KDM1B: variants seen among roughly 807,000 people sequenced by gnomAD.
The protein encoded by KDM1B is lysine-specific histone demethylase 2.
Under a neutral mutation model 107.4 loss-of-function variants are expected in KDM1B, and 63 were observed. The observed-to-expected ratio is 0.59, with a 90% CI of 0.48 to 0.72. KDM1B has a LOEUF of 0.72. Among genes scored for constraint, KDM1B ranks in the 30% least tolerant of loss-of-function variants. The pLI is 0.00. For synonymous variants in KDM1B, 363 were observed against 363.9 expected (o/e 1.00, Z 0.03); for missense variants, 749 against 1,020.8 (o/e 0.73, Z 3.63).
chr6:18,222,112 C>G lies in KDM1B; in HGVS notation c.*120C>G, dbSNP rs1327019972. On this transcript the variant is annotated 3_prime_UTR_variant, in exon 22 of 22. Coordinates refer to ENST00000650836, the MANE Select transcript of KDM1B (RefSeq NM_001364614.2). ...TCTACATAGTAAAACTGAAATGTTT[C>G]TAAGGCGATATGATAATGCAAACCT... 6 of 897,958 alleles carry G rather than the reference C, an allele frequency of 6.7e-6. No individual in the cohort carries two copies. Among genetic ancestry groups the G allele is most frequent in the Non-Finnish European group, 9.3e-6 (5 of 538,852 alleles). The allele number at this position is 897,958 out of a possible 1,614,324, so 55.6% of individuals were successfully genotyped here.
chr6:18,212,875 T>C lies in KDM1B; in HGVS notation c.1983+271T>C, dbSNP rs138575159. Reference sequence around the variant, plus strand: ...TGGTATAAGCAATTCTTTTATCCCCTTTTTTCCCCCCTTCTGCTTTCTTTC... The same window carrying C: ...TGGTATAAGCAATTCTTTTATCCCCCTTTTTCCCCCCTTCTGCTTTCTTTC... On this transcript the variant is annotated intron_variant, in intron 18 of 21. Transcript: ENST00000650836. This position sits in a 1 kb window ranked among gnomAD's most constrained non-coding sequence, Gnocchi z 5.2. 4.6e-4 allele frequency among the ~76,000 whole-genome samples: 70 copies of C among 152,246 alleles called. No homozygotes were observed. The highest frequency in any genetic ancestry group is 1.5e-3 in the African/African-American group (62 of 41,552).
chr6:18,157,357 TTTTCA>T (rs1363609542), intron 2 of KDM1B, among the ~76,000 whole-genome samples: 3 of 152,208 alleles, frequency 2.0e-5, no homozygotes, highest in Admixed American at 6.5e-5. Flanking sequence ...ATAGCTCATG[TTTTCA>T]TTTCCTTGTT....
chr6:18,187,675 A>C (rs1045060102), intron 8 of KDM1B, 117 bp from the exon 9 acceptor site: 32 of 698,484 alleles, frequency 4.6e-5, no homozygotes, highest in African/African-American at 3.5e-4. Flanking sequence ...CTGAGCAAGA[A>C]AAAGCATAGC....
At chr6:18,193,459 A>T (rs1179867274) in intron 10 of KDM1B, among the ~76,000 whole-genome samples, 2 of 150,002 alleles carry the variant, frequency 1.3e-5, no homozygotes, top group East Asian at 4.0e-4. Flanking sequence ...GGCACGTGCC[A>T]CCATGCCCAG....
At chr6:18,198,638 A>AG (rs1787817439) in intron 12 of KDM1B, among the ~76,000 whole-genome samples, 1 of 38,672 alleles carries the variant, frequency 2.6e-5, no homozygotes, top group Non-Finnish European at 7.0e-5. Flanking sequence ...ACTCCATCTC[A>AG]AAAAAAAAAA....
chr6:18,199,029 A>G (rs372941858), intron 12 of KDM1B, among the ~76,000 whole-genome samples: 2,351 of 109,862 alleles, frequency 0.021, 60 homozygotes, highest in African/African-American at 0.1. Flanking sequence ...AAAAAAAAAA[A>G]AAAAGAAAAA....
rs1383684744 is a variant in KDM1B at position 18,213,833 on chromosome 6, T to A, written c.2109+52T>A. On this transcript the variant is annotated intron_variant, in intron 19 of 21. Transcript: ENST00000650836. The surrounding 1 kb of genome is among the most constrained non-coding windows in gnomAD (Gnocchi z 5.9). ...GAATTTCCGTCTTAAAGTTTAGAAT[T>A]TGATGTGATAATTACTCACCTATCA... 5 of 1,601,302 alleles carry A rather than the reference T, an allele frequency of 3.1e-6. No individual in the cohort carries two copies. The highest frequency in any genetic ancestry group is 4.3e-6 in the Non-Finnish European group (5 of 1,169,014).
intron 17 of KDM1B, among the ~76,000 whole-genome samples, chr6:18,210,368 T>TTTTTG (rs1236040272): frequency 1.5e-4 from 14 of 95,380 alleles, no homozygotes; most frequent in South Asian, 3.8e-4. Flanking sequence ...TTTTTTTTTT[T>TTTTTG]TTTTGTTTTA....
intron 5 of KDM1B, among the ~76,000 whole-genome samples, chr6:18,165,919 T>G (rs1032208509): frequency 6.6e-6 from 1 of 152,084 alleles, no homozygotes; most frequent in Non-Finnish European, 1.5e-5. Context: ...AGCTTGGGAG[T>G]TCGAGGTTGC....
rs1441233258 is a variant in KDM1B, at chr6:18,184,275, T to TC, written c.535-1497_535-1496insC. Among the ~76,000 whole-genome samples, 127 of 137,292 alleles carry TC rather than the reference T, an allele frequency of 9.3e-4. 3 individuals are homozygous for TC. Among genetic ancestry groups the TC allele is most frequent in the Non-Finnish European group, 1.6e-3 (102 of 65,112 alleles). The allele number at this position is 137,292 out of a possible 152,430, so 90.1% of individuals were successfully genotyped here. The stretch of plus-strand genomic sequence containing the variant: ...CTACACTATGATTGTTCTAGCTTCT[T>TC]TTTTTTTTTTTTTTTTTGAGACGGA... On this transcript the variant is annotated intron_variant, in intron 7 of 21. Transcript: ENST00000650836.
intron 6 of KDM1B, among the ~76,000 whole-genome samples, chr6:18,166,683 C>CA (rs1001603666): frequency 2.7e-5 from 4 of 150,532 alleles, no homozygotes; most frequent in Admixed American, 6.6e-5. Context: ...CCCATCTTTA[C>CA]AAAAAAAAAT....
At chr6:18,189,274 A>C (rs6914120) in intron 9 of KDM1B, among the ~76,000 whole-genome samples, 1,797 of 152,134 alleles carry the variant, frequency 0.012, 32 homozygotes, top group African/African-American at 0.041. Context: ...TGGAATATAG[A>C]TGTGGTGGAA....
At chr6:18,192,122 T>C (rs1787318489) in intron 10 of KDM1B, among the ~76,000 whole-genome samples, 1 of 152,020 alleles carries the variant, frequency 6.6e-6, no homozygotes, top group African/African-American at 2.4e-5. Context: ...ATTAGCCATG[T>C]GTGGTGGCAC....
At chr6:18,174,454 T>C (rs1350307598) in intron 7 of KDM1B, among the ~76,000 whole-genome samples, 1 of 152,000 alleles carries the variant, frequency 6.6e-6, no homozygotes, top group African/African-American at 2.4e-5. Context: ...GGCTGATACG[T>C]ATTTATTTTT....
chr6:18,210,974 G>A (rs886719986), intron 17 of KDM1B, among the ~76,000 whole-genome samples: 6 of 152,084 alleles, frequency 3.9e-5, no homozygotes, highest in East Asian at 3.9e-4. Flanking sequence ...CACTCCAGCC[G>A]GGGCAACAGA....
intron 7 of KDM1B, among the ~76,000 whole-genome samples, chr6:18,179,775 C>G (rs745681791): frequency 6.7e-6 from 1 of 148,570 alleles, no homozygotes; most frequent in African/African-American, 2.5e-5. Flanking sequence ...AAGCATTGAC[C>G]TGAGCCTGGG....
At chr6:18,188,330 G>A (rs569879351) in intron 9 of KDM1B, among the ~76,000 whole-genome samples, 2 of 152,340 alleles carry the variant, frequency 1.3e-5, no homozygotes, top group East Asian at 1.9e-4. Context: ...CACATCATTT[G>A]TGTATAGTGT....
intron 5 of KDM1B, 38 bp from the exon 6 acceptor site, chr6:18,166,229 A>T (rs1331591025): frequency 1.0e-6 from 1 of 962,100 alleles, no homozygotes. Flanking sequence ...ATAGCAATCG[A>T]TATATTAATC....
chr6:18,174,448 G>C (rs1038748878), intron 7 of KDM1B, among the ~76,000 whole-genome samples: 1 of 152,048 alleles, frequency 6.6e-6, no homozygotes, highest in African/African-American at 2.4e-5. Context: ...AAATCTGGCT[G>C]ATACGTATTT....
Sources: allele counts gnomAD v4.1 joint callset (sites outside exome capture counted in the v4.1 genomes callset), GRCh38; gene constraint gnomAD v4.1.1; non-coding constraint Gnocchi (gnomAD v3.1); transcripts MANE v1.5; gene names NCBI Gene and HGNC (gene_info 2026-07-23, HGNC 2026-07-21).